Variants in UNC45A observed in about 807,000 individuals in gnomAD.
UNC45A encodes the protein protein unc-45 homolog A.
A neutral mutation model predicts 103.2 loss-of-function variants in UNC45A; 78 were observed. The ratio of observed to expected loss-of-function variants is 0.76; its 90% confidence interval spans 0.63 to 0.91. The LOEUF is 0.91. Ranked by LOEUF, UNC45A falls within the 40% of genes least tolerant of loss-of-function variation. The pLI, the probability that UNC45A is intolerant of heterozygous loss-of-function variation, is 0.00. For missense variants in UNC45A, 1,193 were observed against 1,224.8 expected (o/e 0.97, Z 0.39); for synonymous variants, 495 against 504.6 (o/e 0.98, Z 0.25).
At chr15:90,940,266 T>C in intron 5 of UNC45A, 40 bp from the exon 6 acceptor site, 1 of 1,587,300 alleles carries the variant, frequency 6.3e-7, no homozygotes, top group Non-Finnish European at 8.6e-7. Flanking sequence ...TCCTATGCCG[T>C]GTGCAGTGTC....
At chr15:90,943,454 A>C (rs914453326) in intron 8 of UNC45A, among the ~76,000 whole-genome samples, 2 of 151,426 alleles carry the variant, frequency 1.3e-5, no homozygotes, top group African/African-American at 2.4e-5. Flanking sequence ...AAAGAAAGAA[A>C]AGTTGTGATT....
At chr15:90,931,193 G>T, upstream of UNC45A, 1 of 1,488,452 alleles carries the variant, frequency 6.7e-7, no homozygotes. Context: ...GGGAGCTCAG[G>T]AGACACAGAA....
upstream of UNC45A, chr15:90,930,677 A>G (rs954715130): frequency 4.6e-5 from 7 of 153,810 alleles, no homozygotes; most frequent in African/African-American, 7.2e-5. Context: ...CCCCCTTCCA[A>G]CTTTCTTAAC....
At chr15:90,931,661 G>A (rs1318224176), upstream of UNC45A, 3 of 1,613,908 alleles carry the variant, frequency 1.9e-6, no homozygotes, top group Admixed American at 3.3e-5. Flanking sequence ...TCAGAAGGCG[G>A]CATCCCCCTC....
intron 8 of UNC45A, 26 bp from the exon 9 acceptor site, chr15:90,944,866 A>G (rs1477108873): frequency 1.9e-6 from 3 of 1,604,038 alleles, no homozygotes; most frequent in Non-Finnish European, 1.7e-6. Context: ...CTAGTGTTCT[A>G]CTGTCTAAGC....
chr15:90,932,533 G>A, upstream of UNC45A: 1 of 1,268,218 alleles, frequency 7.9e-7, no homozygotes, highest in Non-Finnish European at 9.9e-7. Context: ...CGCCGCCTCA[G>A]AGCCCATCGC....
chr15:90,931,127 C>A, upstream of UNC45A: 1 of 966,250 alleles, frequency 1.0e-6, no homozygotes, highest in Non-Finnish European at 1.5e-6. Context: ...AGGAGACCTT[C>A]AGACTGAGAA....
chr15:90,934,974 C>T (rs2035927225), upstream of UNC45A: 2 of 502,656 alleles, frequency 4.0e-6, no homozygotes, highest in South Asian at 3.1e-5. Flanking sequence ...TGCTGGGCCT[C>T]TACAACCTAC....
In UNC45A at chr15:90,935,355, C is replaced by G; in HGVS notation, c.31C>G (p.Pro11Ala). Residue 11 changes from proline to alanine, a missense_variant, in exon 1 of 20, where the codon CCC (proline) becomes GCC (alanine). By Grantham distance (27) the Pro-to-Ala change is conservative (BLOSUM62 -1). Coordinates refer to ENST00000418476, the MANE Select transcript of UNC45A (RefSeq NM_018671.5). Reference sequence around the variant, plus strand: ...TGTGAGTGGTCCAGGGACCCCCGAGCCCCGGCCGGCCACCCCCGGGGTGCG... The same window carrying G: ...TGTGAGTGGTCCAGGGACCCCCGAGGCCCGGCCGGCCACCCCCGGGGTGCG... MTVSGPGTPEPRPATPGASSV... is the reference protein window; with the variant it reads MTVSGPGTPEARPATPGASSV... The G allele has an allele frequency of 6.2e-7, 1 of 1,603,324 alleles. No homozygotes were observed. The highest frequency in any genetic ancestry group is 8.5e-7 in the Non-Finnish European group (1 of 1,176,012).
At chr15:90,943,986 GTTTTTTTTTTT>G (rs953436599) in intron 8 of UNC45A, among the ~76,000 whole-genome samples, 28 of 78,322 alleles carry the variant, frequency 3.6e-4, no homozygotes, top group African/African-American at 1.1e-3. Flanking sequence ...ATTGTGCCCT[GTTTTTTTTTTT>G]TTTTTTTTTT....
intron 6 of UNC45A, among the ~76,000 whole-genome samples, 159 bp from the exon 7 acceptor site, chr15:90,942,278 C>T (rs2036331028): frequency 6.6e-6 from 1 of 152,178 alleles, no homozygotes; most frequent in Admixed American, 6.5e-5. Flanking sequence ...CCTGCCATTA[C>T]CCTGGGTCAT....
intron 4 of UNC45A, among the ~76,000 whole-genome samples, chr15:90,938,040 A>C (rs144709447): frequency 2.6e-5 from 4 of 151,994 alleles, no homozygotes; most frequent in African/African-American, 9.7e-5. Context: ...CAAGGGATCT[A>C]CTCACCTCAG....
chr15:90,944,288 G>T (rs2036449450), intron 8 of UNC45A, among the ~76,000 whole-genome samples: 2 of 151,976 alleles, frequency 1.3e-5, no homozygotes, highest in African/African-American at 4.8e-5. Context: ...TCTGGAGGCT[G>T]AGGCAGGAGA....
At chr15:90,944,152 C>A (rs933521175) in intron 8 of UNC45A, among the ~76,000 whole-genome samples, 2 of 151,114 alleles carry the variant, frequency 1.3e-5, no homozygotes, top group African/African-American at 4.9e-5. Flanking sequence ...TTTGGGAGGC[C>A]GAGGTGGGCA....
intron 4 of UNC45A, among the ~76,000 whole-genome samples, chr15:90,939,490 C>T (rs1356474616): frequency 2.0e-5 from 3 of 152,198 alleles, no homozygotes; most frequent in Non-Finnish European, 4.4e-5. Context: ...AAAGGCACTC[C>T]AGCATCGGCG....
At chr15:90,953,072 A>AG (rs1236501582) in intron 18 of UNC45A, 26 bp downstream of exon 18, 8 of 1,613,414 alleles carry the variant, frequency 5.0e-6, no homozygotes, top group Non-Finnish European at 6.8e-6. Flanking sequence ...GGTGCTCATG[A>AG]CAGGCGGGGA....
chr15:90,934,823 A>T (rs1302053366), upstream of UNC45A: 1 of 412,436 alleles, frequency 2.4e-6, no homozygotes, highest in African/African-American at 2.1e-5. Flanking sequence ...GTAAGACGAC[A>T]CTTATTTGGG....
Position 90,950,285 on chromosome 15 carries a change from C to T in UNC45A, c.2187+18C>T. The T allele has an allele frequency of 6.4e-7, 1 of 1,551,214 alleles. No individual in the cohort carries two copies. The highest frequency in any genetic ancestry group is 8.7e-7 in the Non-Finnish European group (1 of 1,146,616). ...GCGAGCGGGTACGTGTCTTCCTGCC[C>T]CGGCCTTTCCACTCCCTCTGTCCCT... On this transcript the variant is annotated intron_variant, in intron 16 of 19. Coordinates refer to ENST00000418476, the MANE Select transcript of UNC45A (RefSeq NM_018671.5).
intron 19 of UNC45A, 64 bp from the exon 20 acceptor site, chr15:90,953,395 G>A: frequency 6.2e-7 from 1 of 1,600,210 alleles, no homozygotes; most frequent in Non-Finnish European, 8.5e-7. Context: ...GGGTGTGTGG[G>A]TGTGTCCCTT....
Sources: gnomAD v4.1 joint callset for allele counts (sites outside exome capture counted in the v4.1 genomes callset) on GRCh38, gnomAD v4.1.1 for gene constraint, MANE v1.5 for transcripts, NCBI Gene and HGNC (gene_info 2026-07-23, HGNC 2026-07-21) for gene names.